The following WWOX variants were observed in gnomAD, a reference collection of about 807,000 sequenced individuals.
The protein encoded by WWOX is WW domain-containing oxidoreductase.
A neutral mutation model predicts 46.2 loss-of-function variants in WWOX; 69 were observed. That is an observed-to-expected ratio of 1.49 (90% CI 1.23 to 1.82). The LOEUF (loss-of-function observed/expected upper bound fraction) is 1.82, where lower values mean the gene tolerates loss of function less well. Ranked by LOEUF, WWOX falls within the 40% of genes most tolerant of loss-of-function variation. The pLI is 0.00. For missense variants in WWOX, 919 were observed against 542.6 expected, an observed-to-expected ratio of 1.69 and a Z score of -6.89; for synonymous variants, 359 against 202.6, an observed-to-expected ratio of 1.77 and a Z score of -6.56.
Position 78,417,040 on chromosome 16 carries a change from G to GGGGTGTGTGTGTGT in WWOX, c.606-7829_606-7828insGGTGTGTGTGTGTG, listed in dbSNP as rs58277331. On this transcript the variant is annotated intron_variant, in intron 6 of 8. Transcript: ENST00000566780. ...CCTTGAAGTCAGGTGACCCTTTGGG[G>GGGGTGTGTGTGTGT]GTGTGTGTGTGTTTGCTTCTTTATA... Among the ~76,000 whole-genome samples, 361 of 151,382 alleles carry GGGGTGTGTGTGTGT rather than the reference G, an allele frequency of 2.4e-3. 2 individuals carry two copies. The highest frequency in any genetic ancestry group is 8.4e-3 in the African/African-American group (343 of 40,958).
intron 8 of WWOX, among the ~76,000 whole-genome samples, chr16:79,144,029 C>T (rs1597415255): frequency 6.6e-6 from 1 of 152,178 alleles, no homozygotes; most frequent in Non-Finnish European, 1.5e-5. Flanking sequence ...TACTGAGTAG[C>T]TGTGACTACA....
At chr16:78,107,517 G>C (rs139200027) in intron 1 of WWOX, among the ~76,000 whole-genome samples, 3 of 152,330 alleles carry the variant, frequency 2.0e-5, no homozygotes, top group African/African-American at 4.8e-5. Context: ...TTTTGCAGAT[G>C]AGGGGATGGA....
At chr16:78,819,567 T>G (rs557973414) in intron 8 of WWOX, among the ~76,000 whole-genome samples, 2 of 152,364 alleles carry the variant, frequency 1.3e-5, no homozygotes, top group African/African-American at 4.8e-5. Flanking sequence ...ATTGCCACTG[T>G]GGGTACTCTG....
intron 8 of WWOX, among the ~76,000 whole-genome samples, chr16:78,852,412 T>C (rs1413446387): frequency 3.3e-5 from 5 of 152,176 alleles, no homozygotes; most frequent in Non-Finnish European, 7.3e-5. Context: ...GTTGCGAGGA[T>C]ACTCAAACAG....
chr16:78,284,061 G>C (rs926928059), intron 5 of WWOX, among the ~76,000 whole-genome samples: 1 of 152,152 alleles, frequency 6.6e-6, no homozygotes, highest in Non-Finnish European at 1.5e-5. Context: ...CATTTTGTTA[G>C]CTCTTTAAAC....
intron 5 of WWOX, among the ~76,000 whole-genome samples, chr16:78,225,691 T>G (rs2037031103): frequency 6.6e-6 from 1 of 152,230 alleles, no homozygotes; most frequent in African/African-American, 2.4e-5. Context: ...CACCAGTTAT[T>G]GCAATAAGTT....
intron 1 of WWOX, among the ~76,000 whole-genome samples, chr16:78,105,259 C>T (rs983258649): frequency 6.6e-6 from 1 of 152,112 alleles, no homozygotes. Flanking sequence ...GTCAGGAGTT[C>T]GAGACCTGCC....
intron 8 of WWOX, among the ~76,000 whole-genome samples, chr16:78,596,589 A>G (rs1363106187): frequency 1.3e-5 from 2 of 152,184 alleles, no homozygotes; most frequent in Non-Finnish European, 2.9e-5. Context: ...AGGACCAGCC[A>G]GCTGAGGTAG....
intron 5 of WWOX, among the ~76,000 whole-genome samples, chr16:78,226,983 A>G (rs955011085): frequency 6.6e-6 from 1 of 152,212 alleles, no homozygotes; most frequent in Non-Finnish European, 1.5e-5. Context: ...AAGCAAAAAA[A>G]CAAGAGGGAT....
At chr16:78,462,105 C>G (rs1420705367) in intron 8 of WWOX, among the ~76,000 whole-genome samples, 2 of 152,194 alleles carry the variant, frequency 1.3e-5, no homozygotes. Flanking sequence ...GAATGCTGCT[C>G]TTGAAGGCAG....
chr16:78,743,621 C>G (rs895896381), intron 8 of WWOX, among the ~76,000 whole-genome samples: 1 of 152,162 alleles, frequency 6.6e-6, no homozygotes, highest in South Asian at 2.1e-4. Context: ...TGCAACCCCT[C>G]CCCACTTTTC....
intron 8 of WWOX, chr16:78,756,932 C>T (rs1249444316): frequency 1.1e-5 from 8 of 702,856 alleles, no homozygotes; most frequent in Non-Finnish European, 2.1e-5. Context: ...GTGGATCATT[C>T]ACTCTAGGAA....
chr16:78,559,114 G>A (rs1251566615), intron 8 of WWOX, among the ~76,000 whole-genome samples: 2 of 152,202 alleles, frequency 1.3e-5, no homozygotes, highest in African/African-American at 4.8e-5. Context: ...AGTGGGGAAG[G>A]GTGAGCTTGG....
chr16:78,788,481 G>C (rs537718178), intron 8 of WWOX, among the ~76,000 whole-genome samples: 2 of 152,254 alleles, frequency 1.3e-5, no homozygotes, highest in African/African-American at 4.8e-5. Flanking sequence ...AAGGAATGCT[G>C]ACCTCATGAA....
chr16:78,589,723 C>T (rs1285422276), intron 8 of WWOX, among the ~76,000 whole-genome samples: 3 of 152,288 alleles, frequency 2.0e-5, no homozygotes, highest in African/African-American at 2.4e-5. Flanking sequence ...CTGTAGCTTA[C>T]AGTGTGCGAC....
At chr16:78,840,830 C>T (rs917753694) in intron 8 of WWOX, among the ~76,000 whole-genome samples, 1 of 151,850 alleles carries the variant, frequency 6.6e-6, no homozygotes, top group East Asian at 1.9e-4. Context: ...GTCTGTGTTT[C>T]TTATAAATTG....
intron 8 of WWOX, among the ~76,000 whole-genome samples, chr16:79,122,512 CTTCCTTCCTTCCT>C (rs1249846349): frequency 6.7e-6 from 1 of 148,436 alleles, no homozygotes; most frequent in Non-Finnish European, 1.5e-5. Flanking sequence ...TTTTCCTTCC[CTTCCTTCCTTCCT>C]TCTCTCTATC....
intron 8 of WWOX, among the ~76,000 whole-genome samples, chr16:78,687,242 T>C (rs1429875534): frequency 2.0e-5 from 3 of 152,218 alleles, no homozygotes; most frequent in African/African-American, 4.8e-5. Flanking sequence ...TAAGTAGATA[T>C]TGGAAATATG....
intron 8 of WWOX, among the ~76,000 whole-genome samples, chr16:78,945,801 G>A (rs1302757901): frequency 6.6e-6 from 1 of 152,120 alleles, no homozygotes; most frequent in East Asian, 1.9e-4. Flanking sequence ...TTGGTAGACA[G>A]AAGCTGTCTT....
Sources: allele counts gnomAD v4.1 joint callset (sites outside exome capture counted in the v4.1 genomes callset), GRCh38; gene constraint gnomAD v4.1.1; transcripts MANE v1.5; gene names NCBI Gene and HGNC (gene_info 2026-07-23, HGNC 2026-07-21).